The following COMMD9 variants were observed in gnomAD, a reference collection of about 807,000 sequenced individuals.
The protein encoded by COMMD9 is COMM domain containing 9.
A neutral mutation model predicts 23.4 loss-of-function variants in COMMD9; 22 were observed. The observed-to-expected ratio is 0.94, with a 90% CI of 0.67 to 1.34. The LOEUF (loss-of-function observed/expected upper bound fraction) is 1.34, where lower values mean the gene tolerates loss of function less well. Among genes scored for constraint, COMMD9 ranks in the 40% most tolerant of loss-of-function variants. The pLI is 0.00. For missense variants in COMMD9, 231 were observed against 240.2 expected, an observed-to-expected ratio of 0.96 and a Z score of 0.25; for synonymous variants, 99 against 97.4, an observed-to-expected ratio of 1.02 and a Z score of -0.10.
intron 3 of COMMD9, among the ~76,000 whole-genome samples, chr11:36,277,824 G>T (rs1435581490): frequency 6.6e-6 from 1 of 152,174 alleles, no homozygotes; most frequent in Non-Finnish European, 1.5e-5. Context: ...TGCCATTGTG[G>T]AACTGGGAAA....
intron 3 of COMMD9, 64 bp downstream of exon 3, chr11:36,278,413 A>T: frequency 6.9e-7 from 1 of 1,459,848 alleles, no homozygotes; most frequent in Non-Finnish European, 9.5e-7. Flanking sequence ...CTACTTCTAG[A>T]ATGAGAATAA....
intron 4 of COMMD9, 117 bp downstream of exon 4, chr11:36,276,972 G>A: frequency 2.6e-6 from 2 of 764,672 alleles, no homozygotes; most frequent in Non-Finnish European, 4.0e-6. Context: ...ACAGAGTATG[G>A]GTTGAGACTA....
In COMMD9 at chr11:36,278,630, G is replaced by A. The variant is rs374979654; in HGVS notation, c.178-14C>T. 9 of 1,612,398 alleles carry A rather than the reference G, an allele frequency of 5.6e-6. No individual in the cohort carries two copies. The highest frequency in any genetic ancestry group is 5.5e-5 in the South Asian group (5 of 90,946). ...AGCCTGGAGCAGCTGCAAGATAAAC[G>A]GAACCACCTGTAGCTGTAACAGAAG... On this transcript the variant is annotated splice_polypyrimidine_tract_variant and intron_variant, in intron 2 of 5. Transcript: ENST00000263401.
chr11:36,281,159 C>A (rs1590402028), intron 1 of COMMD9, among the ~76,000 whole-genome samples: 1 of 152,224 alleles, frequency 6.6e-6, no homozygotes, highest in East Asian at 1.9e-4. Flanking sequence ...ATATCCCAGA[C>A]TTTCAGCTGA....
chr11:36,281,784 A>T (rs1303037364), intron 1 of COMMD9, among the ~76,000 whole-genome samples: 1 of 152,224 alleles, frequency 6.6e-6, no homozygotes, highest in Non-Finnish European at 1.5e-5. Flanking sequence ...AACCAGAAAG[A>T]TCTCAAACTG....
chr11:36,277,209 G>C, intron 3 of COMMD9, 86 bp from the exon 4 acceptor site: 2 of 927,608 alleles, frequency 2.2e-6, no homozygotes, highest in Non-Finnish European at 3.2e-6. Flanking sequence ...GGCCCTTCCT[G>C]TGATCTTCAG....
intron 1 of COMMD9, among the ~76,000 whole-genome samples, chr11:36,282,701 A>G (rs1170229268): frequency 6.6e-6 from 1 of 152,356 alleles, no homozygotes; most frequent in East Asian, 1.9e-4. Context: ...ATGGAACACC[A>G]GTGTACTAGC....
Position 36,285,761 on chromosome 11 carries a change from T to C in COMMD9, c.51+3601A>G, listed in dbSNP as rs528947778. 4.6e-4 allele frequency among the ~76,000 whole-genome samples: 70 copies of C among 152,304 alleles called. No individual in the cohort carries two copies. In the Middle Eastern group the frequency reaches 0.031, roughly 67 times the overall value. ...GGCTGGTTCAGTATTTGCAAATCTA[T>C]GTAATCCATCACATTAACAAAGAAA... On this transcript the variant is annotated intron_variant, in intron 1 of 5. Transcript: ENST00000263401.
At chr11:36,275,992 C>T (rs1042388697) in intron 5 of COMMD9, 145 bp downstream of exon 5, 11 of 621,528 alleles carry the variant, frequency 1.8e-5, no homozygotes, top group Admixed American at 1.1e-4. Flanking sequence ...AGTACACATA[C>T]ACGTTGTAAC....
chr11:36,279,403 T>C (rs762694300), intron 2 of COMMD9, among the ~76,000 whole-genome samples: 3 of 152,178 alleles, frequency 2.0e-5, no homozygotes, highest in Non-Finnish European at 4.4e-5. Flanking sequence ...CTAAAAAAGC[T>C]CTCTGGAGGT....
chr11:36,289,357 C>G lies in COMMD9; in HGVS notation c.51+5G>C. 1.3e-6 allele frequency: 2 copies of G among 1,551,614 alleles called. No homozygotes were observed. Among genetic ancestry groups the G allele is most frequent in the Non-Finnish European group, 1.7e-6 (2 of 1,146,888 alleles). ...CCTCACGCTGTCCCCACCCCTTCGA[C>G]TTACCTTGAGCAGGCTCTGGAGTGC... On this transcript the variant is annotated splice_donor_5th_base_variant and intron_variant, in intron 1 of 5. Coordinates refer to ENST00000263401, the MANE Select transcript of COMMD9 (RefSeq NM_014186.4).
At chr11:36,288,361 A>T (rs560641908) in intron 1 of COMMD9, among the ~76,000 whole-genome samples, 3 of 142,884 alleles carry the variant, frequency 2.1e-5, no homozygotes, top group South Asian at 2.4e-4. Flanking sequence ...CTGGTGTTTA[A>T]AAAAAAAAAA....
intron 1 of COMMD9, among the ~76,000 whole-genome samples, chr11:36,281,056 A>T: frequency 6.6e-6 from 1 of 152,092 alleles, no homozygotes; most frequent in East Asian, 1.9e-4. Context: ...CATACATAAG[A>T]CTCTGGAAGC....
chr11:36,280,750 A>G lies in COMMD9; in HGVS notation c.139T>C (p.Cys47Arg). Reference protein sequence around the residue: ...LGLKKLLDVTCSSLSVTQEEA... With the variant: ...LGLKKLLDVTRSSLSVTQEEA... Reference sequence around the variant, plus strand: ...TCCTGGGTCACAGACAAGCTGGAACATGTAACATCCAAGAGTTTTTTCAAG... The same window carrying G: ...TCCTGGGTCACAGACAAGCTGGAACGTGTAACATCCAAGAGTTTTTTCAAG... The change falls in exon 2 of 6, where the codon TGT becomes CGT. Residue 47 changes from cysteine to arginine, a missense_variant. Physicochemically the swap from Cys to Arg is radical, Grantham distance 180. Transcript: ENST00000263401. The G allele has an allele frequency of 6.2e-7, 1 of 1,610,652 alleles. No individual in the cohort carries two copies. The highest frequency in any genetic ancestry group is 8.5e-7 in the Non-Finnish European group (1 of 1,177,742).
chr11:36,272,714 C>G lies in COMMD9; in HGVS notation c.*1918G>C, dbSNP rs999077994. 2.0e-5 allele frequency: 3 copies of G among 152,200 alleles called. No individual in the cohort carries two copies. The highest frequency in any genetic ancestry group is 7.2e-5 in the African/African-American group (3 of 41,442). The allele number at this position is 152,200 out of a possible 1,614,324, so 9.4% of individuals were successfully genotyped here. A position where few individuals can be genotyped will look rare whatever the true frequency, so the allele number is the denominator to read the frequency against. On this transcript the variant is annotated 3_prime_UTR_variant, in exon 6 of 6. Transcript: ENST00000263401. ...TTCCCTTGACCTTCCTCGTATCTCA[C>G]TGGGTAGGCAGACGTAAGATCTCTC...
chr11:36,274,791 C>T lies in COMMD9; in HGVS notation c.457-19G>A, dbSNP rs770891246. 2 of 1,613,640 alleles carry T rather than the reference C, an allele frequency of 1.2e-6. No homozygotes were observed. Among genetic ancestry groups the T allele is most frequent in the Admixed American group, 1.7e-5 (1 of 59,994 alleles). Reference sequence around the variant, plus strand: ...CTTGGATCTGAAACGAGAACACAGCCCAGAAAGTCAAAGCTGCCTCTTTTC... The same window carrying T: ...CTTGGATCTGAAACGAGAACACAGCTCAGAAAGTCAAAGCTGCCTCTTTTC... On this transcript the variant is annotated intron_variant, in intron 5 of 5. Coordinates refer to ENST00000263401, the MANE Select transcript of COMMD9 (RefSeq NM_014186.4).
In COMMD9 at chr11:36,272,760, A is replaced by G. The variant is rs1306520392; in HGVS notation, c.*1872T>C. On this transcript the variant is annotated 3_prime_UTR_variant, in exon 6 of 6. Coordinates refer to ENST00000263401, the MANE Select transcript of COMMD9 (RefSeq NM_014186.4). ...CTCTCATCTCTACTTCAGTTTCAAC[A>G]TTTTCCAAATGGCGCTAGTCACAGA... 6.6e-6 allele frequency: 1 copy of G among 152,136 alleles called. No individual in the cohort carries two copies. Among genetic ancestry groups the G allele is most frequent in the Non-Finnish European group, 1.5e-5 (1 of 68,026 alleles). The allele number at this position is 152,136 out of a possible 1,614,324, so 9.4% of individuals were successfully genotyped here. A position where few individuals can be genotyped will look rare whatever the true frequency, so the allele number is the denominator to read the frequency against.
chr11:36,282,152 C>T lies in COMMD9; in HGVS notation c.52-1315G>A, dbSNP rs374652095. Among the ~76,000 whole-genome samples, 39 of 152,090 alleles carry T rather than the reference C, an allele frequency of 2.6e-4. No homozygotes were observed. In the East Asian group the frequency reaches 5.6e-3, roughly 22 times the overall value. On this transcript the variant is annotated intron_variant, in intron 1 of 5. Transcript: ENST00000263401. ...CTATGAACAGAGCCTCAGGGACATG[C>T]GGGACTATAACGAAAAACCTAACAT...
chr11:36,278,724 G>A, intron 2 of COMMD9, 108 bp from the exon 3 acceptor site: 1 of 1,093,314 alleles, frequency 9.1e-7, no homozygotes, highest in Non-Finnish European at 1.3e-6. Flanking sequence ...ACACTGCTAT[G>A]GTCATTCAAC....
Sources: gnomAD v4.1 joint callset for allele counts (sites outside exome capture counted in the v4.1 genomes callset) on GRCh38, gnomAD v4.1.1 for gene constraint, MANE v1.5 for transcripts, NCBI Gene and HGNC (gene_info 2026-07-23, HGNC 2026-07-21) for gene names.